Variants in NFATC2 observed in about 807,000 individuals in gnomAD.
The protein encoded by NFATC2 is nuclear factor of activated T cells 2, also known as nuclear factor of activated T-cells, cytoplasmic 2.
NFATC2 carries 22 observed loss-of-function variants against 87.3 expected under a neutral mutation model. The ratio of observed to expected loss-of-function variants is 0.25; its 90% confidence interval spans 0.18 to 0.36. The LOEUF (loss-of-function observed/expected upper bound fraction) is 0.36. NFATC2 is among the 10% of genes least tolerant of loss of function. NFATC2 has a pLI of 1.00. For synonymous variants in NFATC2, 565 were observed against 542.2 expected (o/e 1.04, Z -0.58); for missense variants, 1,149 against 1,259.1 (o/e 0.91, Z 1.32).
At chr20:51,455,300 C>G (rs1986281076) in intron 5 of NFATC2, among the ~76,000 whole-genome samples, 1 of 152,164 alleles carries the variant, frequency 6.6e-6, no homozygotes, top group Admixed American at 6.5e-5. Flanking sequence ...TTCTGTCTCT[C>G]AGATATACTC....
intron 3 of NFATC2, among the ~76,000 whole-genome samples, chr20:51,496,725 CAG>C (rs904229036): frequency 6.6e-6 from 1 of 152,158 alleles, no homozygotes; most frequent in Non-Finnish European, 1.5e-5. Flanking sequence ...CAATAAGTGG[CAG>C]AACCAGGATT....
chr20:51,485,288 T>G (rs894785609), intron 3 of NFATC2, among the ~76,000 whole-genome samples: 7 of 152,188 alleles, frequency 4.6e-5, no homozygotes, highest in Non-Finnish European at 2.9e-5. Flanking sequence ...ATAAAAAACC[T>G]GGATCATTTT....
At chr20:51,439,922 C>T (rs1984085429) in intron 6 of NFATC2, among the ~76,000 whole-genome samples, 1 of 152,158 alleles carries the variant, frequency 6.6e-6, no homozygotes, top group Non-Finnish European at 1.5e-5. Flanking sequence ...AATATGGTAA[C>T]AGACCTGAGC....
At chr20:51,555,630 G>A (rs140363947) in intron 1 of NFATC2, among the ~76,000 whole-genome samples, 251 of 150,710 alleles carry the variant, frequency 1.7e-3, no homozygotes, top group Admixed American at 3.9e-3. Flanking sequence ...CCTGTCCCAC[G>A]ATCTTGTCTC....
chr20:51,559,903 T>C (rs1463704614), intron 1 of NFATC2, among the ~76,000 whole-genome samples: 1 of 152,220 alleles, frequency 6.6e-6, no homozygotes, highest in Non-Finnish European at 1.5e-5. Flanking sequence ...GACAATCCGA[T>C]GAAGTTGATA....
Position 51,432,524 on chromosome 20 carries a change from G to T in NFATC2, c.2265C>A (p.Ser755Arg). The T allele has an allele frequency of 6.4e-7, 1 of 1,557,126 alleles. No individual in the cohort carries two copies. Residue 755 changes from serine to arginine, a missense_variant, in exon 9 of 11, where the codon AGC becomes AGA. By Grantham distance (110) the Ser-to-Arg change is moderately radical (BLOSUM62 -1). This residue lies in a region of NFATC2 where 581 missense variants were observed against 649.7 expected (regional missense o/e 0.89). Coordinates refer to ENST00000371564, the MANE Select transcript of NFATC2 (RefSeq NM_012340.5). This position sits in a 1 kb window ranked among gnomAD's most constrained non-coding sequence, Gnocchi z 4.6. ...CCAGCAGGCTGGGGCTCAGGCTCTT[G>T]CTCCGCTGGTAGAGTACGGCCGCTG... ...QNPAAVLYQR[S>R]KSLSPSLLGY...
chr20:51,473,922 G>A, intron 5 of NFATC2, 58 bp downstream of exon 5: 1 of 1,574,028 alleles, frequency 6.4e-7, no homozygotes, highest in Non-Finnish European at 8.7e-7. Flanking sequence ...TGCTCCCGGG[G>A]GAAGCCCACG....
intron 10 of NFATC2, among the ~76,000 whole-genome samples, chr20:51,395,416 C>T (rs553077368): frequency 1.2e-4 from 18 of 149,586 alleles, no homozygotes; most frequent in African/African-American, 3.6e-4. Flanking sequence ...AGTCAGGGGA[C>T]GGCTATGGCA....
intron 3 of NFATC2, among the ~76,000 whole-genome samples, chr20:51,505,682 G>A (rs1035486819): frequency 6.6e-6 from 1 of 152,164 alleles, no homozygotes; most frequent in African/African-American, 2.4e-5. Flanking sequence ...CATCCCAGAT[G>A]CTTGGCCTTG....
At chr20:51,549,469 T>G (rs2146827243) in intron 1 of NFATC2, among the ~76,000 whole-genome samples, 1 of 152,328 alleles carries the variant, frequency 6.6e-6, no homozygotes, top group South Asian at 2.1e-4. Context: ...GACTGGTACA[T>G]ATGAACCCCT....
intron 2 of NFATC2, among the ~76,000 whole-genome samples, chr20:51,520,261 A>G (rs556128062): frequency 3.3e-5 from 5 of 152,314 alleles, no homozygotes; most frequent in African/African-American, 1.2e-4. Flanking sequence ...ACTAAATAAA[A>G]TCATGGTTTG....
chr20:51,484,320 A>G (rs1045086370), intron 3 of NFATC2, among the ~76,000 whole-genome samples: 12 of 151,880 alleles, frequency 7.9e-5, no homozygotes, highest in African/African-American at 2.9e-4. Context: ...CCGCACCCCA[A>G]TGTGACACCC....
chr20:51,483,966 A>G (rs1989493426), intron 3 of NFATC2, among the ~76,000 whole-genome samples: 1 of 151,894 alleles, frequency 6.6e-6, no homozygotes, highest in Non-Finnish European at 1.5e-5. Flanking sequence ...GGTAAGTTAG[A>G]GCTTTTGCCA....
At chr20:51,551,830 A>C (rs564972816) in intron 1 of NFATC2, among the ~76,000 whole-genome samples, 2 of 151,692 alleles carry the variant, frequency 1.3e-5, no homozygotes, top group South Asian at 2.1e-4. Context: ...GATCAAGACC[A>C]TCCTGGCTAA....
chr20:51,522,312 G>T (rs2076459675), intron 2 of NFATC2, among the ~76,000 whole-genome samples: 1 of 152,296 alleles, frequency 6.6e-6, no homozygotes, highest in East Asian at 1.9e-4. Context: ...GGAAGCTCTT[G>T]ATTGATTAGT....
chr20:51,459,702 A>AC (rs1466314904), intron 5 of NFATC2, among the ~76,000 whole-genome samples: 1 of 152,064 alleles, frequency 6.6e-6, no homozygotes, highest in Non-Finnish European at 1.5e-5. Flanking sequence ...ATATGGTGAA[A>AC]CCCCATCTCT....
chr20:51,400,700 C>T (rs756081176), intron 9 of NFATC2, among the ~76,000 whole-genome samples: 4 of 152,178 alleles, frequency 2.6e-5, no homozygotes, highest in South Asian at 2.1e-4. Flanking sequence ...ACCAGGCCAC[C>T]GCCAAACACC....
At chr20:51,469,217 A>C (rs1017984844) in intron 5 of NFATC2, among the ~76,000 whole-genome samples, 5 of 152,088 alleles carry the variant, frequency 3.3e-5, no homozygotes, top group African/African-American at 1.2e-4. Context: ...GGTTTTCACC[A>C]TGTTAGTCAG....
At chr20:51,400,183 G>A (rs1987847347) in intron 9 of NFATC2, among the ~76,000 whole-genome samples, 1 of 151,874 alleles carries the variant, frequency 6.6e-6, no homozygotes, top group Admixed American at 6.5e-5. Context: ...AGGTGATCCT[G>A]TTGGAACTGA....
Sources: gnomAD v4.1 joint callset for allele counts (sites outside exome capture counted in the v4.1 genomes callset) on GRCh38, gnomAD v4.1.1 for gene constraint, gnomAD v4.1.1 regional missense constraint, Gnocchi (gnomAD v3.1) non-coding constraint, MANE v1.5 for transcripts, NCBI Gene and HGNC (gene_info 2026-07-23, HGNC 2026-07-21) for gene names.